MAP4K3: variants seen among roughly 807,000 people sequenced by gnomAD.
MAP4K3 encodes the protein MAPK/ERK kinase kinase kinase 3.
MAP4K3 carries 94 observed loss-of-function variants against 143.5 expected under a neutral mutation model. That is an observed-to-expected ratio of 0.65 (90% confidence interval 0.55 to 0.78). MAP4K3 has a LOEUF of 0.78. Among genes scored for constraint, MAP4K3 ranks in the 30% least tolerant of loss-of-function variants. MAP4K3 has a pLI of 0.00. For synonymous variants in MAP4K3, 416 were observed against 347.2 expected, an observed-to-expected ratio of 1.20 and a Z score of -2.20; for missense variants, 1,077 against 1,068.1, an observed-to-expected ratio of 1.01 and a Z score of -0.12.
intron 3 of MAP4K3, among the ~76,000 whole-genome samples, chr2:39,355,091 G>A (rs1665570952): frequency 1.3e-5 from 2 of 152,114 alleles, no homozygotes; most frequent in Admixed American, 6.5e-5. Flanking sequence ...TAGGCCAGGT[G>A]CGGAGGCTCA....
At chr2:39,339,655 T>G (rs566141487) in intron 4 of MAP4K3, among the ~76,000 whole-genome samples, 38 of 152,198 alleles carry the variant, frequency 2.5e-4, no homozygotes, top group African/African-American at 8.7e-4. Flanking sequence ...ATTAAAGGTG[T>G]AGACAAGCAC....
At chr2:39,288,805 C>T (rs1446295998) in intron 19 of MAP4K3, among the ~76,000 whole-genome samples, 3 of 152,188 alleles carry the variant, frequency 2.0e-5, no homozygotes, top group Non-Finnish European at 4.4e-5. Context: ...CTAATCCCAG[C>T]ACTTTGGGAG....
chr2:39,404,385 A>C (rs565736797), intron 1 of MAP4K3, among the ~76,000 whole-genome samples: 5 of 152,178 alleles, frequency 3.3e-5, no homozygotes, highest in African/African-American at 9.6e-5. Context: ...GGCAGCACTC[A>C]CCACAAGCTG....
chr2:39,358,451 T>C (rs1663439745), intron 2 of MAP4K3, among the ~76,000 whole-genome samples: 1 of 152,218 alleles, frequency 6.6e-6, no homozygotes, highest in African/African-American at 2.4e-5. Flanking sequence ...ATTGTTAGCA[T>C]GTTTTATATA....
intron 1 of MAP4K3, among the ~76,000 whole-genome samples, chr2:39,428,206 A>AG (rs1256683606): frequency 6.6e-6 from 1 of 152,220 alleles, no homozygotes. Context: ...CCTCAGGGTA[A>AG]GAATTTTCTT....
chr2:39,286,492 T>C (rs1052941100), intron 21 of MAP4K3, among the ~76,000 whole-genome samples: 17 of 152,216 alleles, frequency 1.1e-4, no homozygotes, highest in Non-Finnish European at 8.8e-5. Context: ...TTCATGAGAC[T>C]GTAAGAGAAA....
At chr2:39,290,096 A>G (rs1315127884) in intron 19 of MAP4K3, among the ~76,000 whole-genome samples, 196 bp downstream of exon 19, 1 of 151,536 alleles carries the variant, frequency 6.6e-6, no homozygotes, top group Non-Finnish European at 1.5e-5. Context: ...AAAAAAAAAA[A>G]AAAAAAAAAA....
chr2:39,325,671 G>A, intron 11 of MAP4K3, 43 bp from the exon 12 acceptor site: 2 of 1,556,874 alleles, frequency 1.3e-6, no homozygotes, highest in East Asian at 4.5e-5. Flanking sequence ...CTATAAATCT[G>A]ATTGAATAAC....
At chr2:39,363,439 G>A (rs1195401766) in intron 2 of MAP4K3, among the ~76,000 whole-genome samples, 1 of 152,200 alleles carries the variant, frequency 6.6e-6, no homozygotes, top group Non-Finnish European at 1.5e-5. Context: ...AGGCCGAGGT[G>A]GGTGGATCAC....
At chr2:39,436,590 A>G (rs923593018) in intron 1 of MAP4K3, 2 of 398,194 alleles carry the variant, frequency 5.0e-6, no homozygotes, top group Non-Finnish European at 4.6e-6. Flanking sequence ...CCTTCTCTGC[A>G]CTATGGATGA....
At chr2:39,260,533 G>A (rs1680524386) in intron 29 of MAP4K3, 73 bp downstream of exon 29, 1 of 1,259,082 alleles carries the variant, frequency 7.9e-7, no homozygotes, top group African/African-American at 1.5e-5. Flanking sequence ...TCCTTAGTAA[G>A]AGATACAGTA....
intron 24 of MAP4K3, among the ~76,000 whole-genome samples, chr2:39,276,064 G>C (rs1380397480): frequency 6.6e-6 from 1 of 151,968 alleles, no homozygotes; most frequent in South Asian, 2.1e-4. Flanking sequence ...ATAGGGACGG[G>C]GTTTCACCTT....
chr2:39,269,399 T>G (rs895117401), intron 26 of MAP4K3, among the ~76,000 whole-genome samples: 2 of 151,734 alleles, frequency 1.3e-5, no homozygotes, highest in Non-Finnish European at 2.9e-5. Context: ...TAGACATCTG[T>G]GTCATTCAGT....
Position 39,426,515 on chromosome 2 carries a change from A to G in MAP4K3, c.96+10377T>C, listed in dbSNP as rs555488716. Among the ~76,000 whole-genome samples the G allele has an allele frequency of 6.8e-4, 103 of 152,200 alleles. 1 individual carries two copies. The highest frequency in any genetic ancestry group is 2.4e-3 in the African/African-American group (101 of 41,566). ...GTCTTTCATTTTGAGAATACACATC[A>G]AAGTATTTATGGGTAAAGGAGTTTG... is the stretch of plus-strand genomic sequence containing the variant. On this transcript the variant is annotated intron_variant, in intron 1 of 33. Transcript: ENST00000263881.
intron 16 of MAP4K3, among the ~76,000 whole-genome samples, chr2:39,299,235 A>C (rs867852343): frequency 2.6e-4 from 40 of 152,204 alleles, no homozygotes; most frequent in African/African-American, 9.4e-4. Context: ...CTGGTGTAGA[A>C]GAGGCATTAA....
rs1484144386 is a variant in MAP4K3, at chr2:39,333,519, C to T, written c.457+13G>A. On this transcript the variant is annotated intron_variant, in intron 7 of 33. Transcript: ENST00000263881. ...ATAGATTTGTGCACGTGACAAAATT[C>T]CAATTTACTTACCCAATTTCACATG... 2 of 1,596,880 alleles carry T rather than the reference C, an allele frequency of 1.3e-6. No homozygotes were observed. The highest frequency in any genetic ancestry group is 1.1e-5 in the South Asian group (1 of 90,136).
Position 39,288,143 on chromosome 2 carries a change from G to C in MAP4K3, c.1452C>G (p.Pro484=), listed in dbSNP as rs1004955779. The C allele has an allele frequency of 6.2e-6, 10 of 1,613,964 alleles. No homozygotes were observed. The highest frequency in any genetic ancestry group is 1.6e-4 in the Middle Eastern group (1 of 6,084). The change falls in exon 20 of 34, where the codon CCC becomes CCG. Residue 484 remains proline, a synonymous_variant. Transcript: ENST00000263881. ...VPPRPPPPRL[P]PHKPVALGNG... ...TACCTAAGGCAACAGGTTTGTGTGG[G>C]GGTAATCTGGGAGGTGGTGGTCTAG... is the stretch of plus-strand genomic sequence containing the variant.
At chr2:39,264,594 T>C (rs1198186807) in intron 28 of MAP4K3, among the ~76,000 whole-genome samples, 2 of 152,226 alleles carry the variant, frequency 1.3e-5, no homozygotes, top group African/African-American at 4.8e-5. Flanking sequence ...TATAATAGCA[T>C]GGAAAATGAC....
intron 8 of MAP4K3, among the ~76,000 whole-genome samples, chr2:39,329,435 G>A (rs967050799): frequency 1.3e-5 from 2 of 152,128 alleles, no homozygotes; most frequent in African/African-American, 4.8e-5. Context: ...GTAGCAAACA[G>A]GAGGCAGGGC....
Sources: allele counts gnomAD v4.1 joint callset (sites outside exome capture counted in the v4.1 genomes callset), GRCh38; gene constraint gnomAD v4.1.1; transcripts MANE v1.5; gene names NCBI Gene and HGNC (gene_info 2026-07-23, HGNC 2026-07-21).